The following SPTBN5 variants were observed in gnomAD, a reference collection of about 807,000 sequenced individuals.
SPTBN5 encodes the protein spectrin beta, non-erythrocytic 5.
SPTBN5 carries 513 observed loss-of-function variants against 477.6 expected under a neutral mutation model. The ratio of observed to expected loss-of-function variants is 1.07; its 90% CI spans 1.00 to 1.16. The LOEUF is 1.16. Ranked by LOEUF, SPTBN5 falls within the 50% of genes most tolerant of loss-of-function variation. The pLI, the probability that SPTBN5 is intolerant of heterozygous loss-of-function variation, is 0.00. For missense variants in SPTBN5, 5,062 were observed against 4,731.8 expected (o/e 1.07, Z -2.05); for synonymous variants, 2,169 against 2,011.7 (o/e 1.08, Z -2.09).
chr15:41,885,968 C>T lies in SPTBN5; in HGVS notation c.1287G>A (p.Arg429=), dbSNP rs1468208344. ...LQLQRLETLA[R]RFQHKAALRE... ...GGAGGGCTGCCTTGTGCTGGAAGCG[C>T]CGGGCCAGGGTTTCTAGCCGCTGCA... is the stretch of plus-strand genomic sequence containing the variant. Residue 429 remains arginine, a synonymous_variant, in exon 7 of 68, where the codon CGG becomes CGA. Transcript: ENST00000320955. The T allele has an allele frequency of 6.4e-7, 1 of 1,550,776 alleles. No homozygotes were observed. The highest frequency in any genetic ancestry group is 2.0e-5 in the Admixed American group (1 of 50,120).
Position 41,860,645 on chromosome 15 carries a change from G to GT in SPTBN5, c.7928dup (p.His2643GlnfsTer129). 1 of 1,545,488 alleles carries GT rather than the reference G, an allele frequency of 6.5e-7. No homozygotes were observed. The highest frequency in any genetic ancestry group is 8.7e-7 in the Non-Finnish European group (1 of 1,145,190). On this transcript the variant is annotated frameshift_variant, in exon 47 of 68. Transcript: ENST00000320955. LOFTEE classifies it high-confidence loss of function. ...TCTGGGCCTCGGGGTGCCCACCCTG[G>GT]TGCAGGCCGCGGGCCGTGGCCTCCA...
At position 41,852,324 on chromosome 15, in the gene SPTBN5, A is replaced by T; in HGVS notation, c.10450-8T>A. 6.4e-7 allele frequency: 1 copy of T among 1,568,168 alleles called. No individual in the cohort carries two copies. Among genetic ancestry groups the T allele is most frequent in the Non-Finnish European group, 8.7e-7 (1 of 1,154,376 alleles). ...CAGGAGCTCCTGTTCCATCTTGGGG[A>T]GTGGGCAAGGTGGGCAAGGTGAGCC... On this transcript the variant is annotated splice_region_variant and splice_polypyrimidine_tract_variant and intron_variant, in intron 61 of 67. Coordinates refer to ENST00000320955, the MANE Select transcript of SPTBN5 (RefSeq NM_016642.4).
chr15:41,881,391 G>C (rs892057754), intron 12 of SPTBN5, among the ~76,000 whole-genome samples, 157 bp from the exon 13 acceptor site: 1 of 152,222 alleles, frequency 6.6e-6, no homozygotes, highest in Non-Finnish European at 1.5e-5. Flanking sequence ...AAGCTTCCTT[G>C]GGGCTGAGGG....
chr15:41,877,136 G>T lies in SPTBN5; in HGVS notation c.3691C>A (p.Leu1231Met). The change falls in exon 18 of 68, where the codon CTG (leucine) becomes ATG (methionine). Residue 1231 changes from leucine (L) to methionine (M), a missense_variant. Leu to Met is a conservative substitution (Grantham distance 15). Transcript: ENST00000320955. ...TATCANHQAW[L>M]HLDNLGEDVR... Reference sequence around the variant, plus strand: ...CATACCCCAAGGTTGTCCAGGTGCAGCCAGGCCTGGTGGTTGGCACAGGTG... The same window carrying T: ...CATACCCCAAGGTTGTCCAGGTGCATCCAGGCCTGGTGGTTGGCACAGGTG... The T allele has an allele frequency of 6.2e-7, 1 of 1,613,922 alleles. No homozygotes were observed. The highest frequency in any genetic ancestry group is 2.2e-5 in the East Asian group (1 of 44,886).
At position 41,856,490 on chromosome 15, in the gene SPTBN5, G is replaced by T; in HGVS notation, c.8917C>A (p.Arg2973=). The change falls in exon 53 of 68, where the codon CGG becomes AGG. Residue 2973 remains arginine (R), a synonymous_variant. Transcript: ENST00000320955. The stretch of plus-strand genomic sequence containing the variant: ...ATGGCCTTCTCCAGCTGCTGCACCC[G>T]GGCGGCCACCTCGTGGGCGGCAAAG... The part of the protein sequence containing the change: ...GHFAAHEVAA[R]VQQLEKAMAH... 1 of 1,597,196 alleles carries T rather than the reference G, an allele frequency of 6.3e-7. No homozygotes were observed. Among genetic ancestry groups the T allele is most frequent in the East Asian group, 2.3e-5 (1 of 43,936 alleles).
intron 5 of SPTBN5, 26 bp downstream of exon 5, chr15:41,887,902 G>T (rs753423380): frequency 6.3e-7 from 1 of 1,597,002 alleles, no homozygotes; most frequent in African/African-American, 1.3e-5. Context: ...GTGGGCAGAG[G>T]CCTCCTGACA....
At chr15:41,853,951 G>A (rs1007979859) in intron 57 of SPTBN5, 99 bp downstream of exon 57, 13 of 1,461,084 alleles carry the variant, frequency 8.9e-6, no homozygotes, top group South Asian at 1.4e-5. Context: ...CTGGAGAAGA[G>A]GCTGAAGCAG....
chr15:41,885,613 C>T (rs2067122470), intron 7 of SPTBN5, 122 bp downstream of exon 7: 1 of 1,222,526 alleles, frequency 8.2e-7, no homozygotes, highest in African/African-American at 1.5e-5. Flanking sequence ...GTAGAGGGAT[C>T]CCTGAACCCA....
chr15:41,893,102 T>C (rs1432102770), intron 2 of SPTBN5, 41 bp from the exon 3 acceptor site: 1 of 1,549,766 alleles, frequency 6.5e-7, no homozygotes, highest in Non-Finnish European at 8.7e-7. Context: ...CAGCCCAGCC[T>C]CACCTGTCCT....
Position 41,862,626 on chromosome 15 carries a change from C to A in SPTBN5, c.7298G>T (p.Arg2433Ile). 6.4e-7 allele frequency: 1 copy of A among 1,557,556 alleles called. No individual in the cohort carries two copies. Among genetic ancestry groups the A allele is most frequent in the South Asian group, 1.2e-5 (1 of 84,878 alleles). Residue 2433 changes from arginine to isoleucine, a missense_variant, in exon 43 of 68, where the codon AGA (arginine) becomes ATA (isoleucine). Transcript: ENST00000320955. ...LEREVGRLCQ[R>I]SPEAAHGLRH... ...GAGGCCGTGGGCTGCCTCGGGGCTTCTTTGGCAGAGGCGGCCCACTTCACG... is the reference window on the plus strand; with the variant it reads ...GAGGCCGTGGGCTGCCTCGGGGCTTATTTGGCAGAGGCGGCCCACTTCACG...
intron 36 of SPTBN5, 97 bp from the exon 37 acceptor site, chr15:41,866,590 A>G: frequency 7.4e-7 from 1 of 1,358,684 alleles, no homozygotes; most frequent in South Asian, 1.7e-5. Flanking sequence ...GGCTGGCCTC[A>G]GGGGTGGGGC....
intron 29 of SPTBN5, among the ~76,000 whole-genome samples, chr15:41,870,991 C>T (rs2066514978): frequency 6.6e-6 from 1 of 152,272 alleles, no homozygotes; most frequent in Non-Finnish European, 1.5e-5. Context: ...ATGACCTTGC[C>T]TCAAAGCTCA....
Position 41,872,475 on chromosome 15 carries a change from A to T in SPTBN5, c.5008-16T>A, listed in dbSNP as rs2290557. On this transcript the variant is annotated splice_polypyrimidine_tract_variant and intron_variant, in intron 26 of 67. Transcript: ENST00000320955. ...CCTGTAGAGCCTATGATGCATGAGG[A>T]CCCATGCCAGGCTCAGCCTGGGTGA... 5.8e-6 allele frequency: 9 copies of T among 1,546,026 alleles called. No homozygotes were observed. The East Asian group carries it at 2.2e-4, about 38-fold the overall frequency.
At chr15:41,879,678 C>A in intron 15 of SPTBN5, 56 bp downstream of exon 15, 1 of 1,601,556 alleles carries the variant, frequency 6.2e-7, no homozygotes, top group Non-Finnish European at 8.5e-7. Context: ...GAGTCAGGCC[C>A]AGGCTGGGCA....
chr15:41,852,590 T>A (rs779962832), intron 61 of SPTBN5, 44 bp downstream of exon 61: 3 of 1,584,632 alleles, frequency 1.9e-6, no homozygotes, highest in East Asian at 4.5e-5. Context: ...TGAGAGGGAC[T>A]GTTCCCCCAC....
At position 41,882,522 on chromosome 15, in the gene SPTBN5, C is replaced by T. The variant is rs1305288496; in HGVS notation, c.2047-53G>A. ...GTGAAGGCAGAACAGGGGAGGGGGC[C>T]GGGGGCCCGAGAGGGAAGGGCAAGG... is the stretch of plus-strand genomic sequence containing the variant. On this transcript the variant is annotated intron_variant, in intron 10 of 67. Coordinates refer to ENST00000320955, the MANE Select transcript of SPTBN5 (RefSeq NM_016642.4). 5.1e-6 allele frequency: 8 copies of T among 1,575,806 alleles called. No individual in the cohort carries two copies. The South Asian group carries it at 5.8e-5, about 11-fold the overall frequency.
chr15:41,879,921 C>T, intron 14 of SPTBN5, 57 bp from the exon 15 acceptor site: 2 of 1,605,204 alleles, frequency 1.2e-6, no homozygotes, highest in South Asian at 1.1e-5. Flanking sequence ...CCACACTCCC[C>T]TCTAGCCTAT....
At chr15:41,875,691 G>C in intron 21 of SPTBN5, 69 bp from the exon 22 acceptor site, 1 of 1,473,022 alleles carries the variant, frequency 6.8e-7, no homozygotes, top group Non-Finnish European at 9.1e-7. Flanking sequence ...GCAGCAGGCT[G>C]GACCTGGGTG....
At chr15:41,851,000 C>T (rs560477402) in intron 65 of SPTBN5, 59 bp downstream of exon 65, 111 of 1,590,530 alleles carry the variant, frequency 7.0e-5, no homozygotes, top group Non-Finnish European at 8.7e-5. Context: ...ACGCCTCCAG[C>T]CCCCGCTGAG....
Sources: gnomAD v4.1 joint callset for allele counts (sites outside exome capture counted in the v4.1 genomes callset) on GRCh38, gnomAD v4.1.1 for gene constraint, MANE v1.5 for transcripts, NCBI Gene and HGNC (gene_info 2026-07-23, HGNC 2026-07-21) for gene names.